Variants in KCNMA1 observed in about 807,000 individuals in gnomAD.
KCNMA1 encodes the protein potassium calcium-activated channel subfamily M alpha 1, also known as Calcium-activated potassium channel subunit alpha-1.
A neutral mutation model predicts 140.0 loss-of-function variants in KCNMA1; 29 were observed. That is an observed-to-expected ratio of 0.21 (90% confidence interval 0.15 to 0.28). The LOEUF (loss-of-function observed/expected upper bound fraction) is 0.28, where lower values mean the gene tolerates loss of function less well. Among genes scored for constraint, KCNMA1 ranks in the 10% least tolerant of loss-of-function variants. The probability of loss-of-function intolerance (pLI) is 1.00; values close to 1 mark genes in which losing one functional copy is unlikely to be tolerated. For missense variants in KCNMA1, 880 were observed against 1,602.2 expected (o/e 0.55, Z 7.70); for synonymous variants, 612 against 611.9 (o/e 1.00, Z 0.00).
chr10:77,081,237 A>T (rs2096557947), intron 12 of KCNMA1, among the ~76,000 whole-genome samples: 1 of 152,172 alleles, frequency 6.6e-6, no homozygotes, highest in East Asian at 1.9e-4. Flanking sequence ...CTGTTTCCTC[A>T]TCTGGACACT....
chr10:76,971,983 G>T (rs559051502), intron 19 of KCNMA1, among the ~76,000 whole-genome samples: 92 of 151,984 alleles, frequency 6.1e-4, no homozygotes, highest in Non-Finnish European at 1.1e-3. Context: ...GGGTGTGTGT[G>T]TGTGTGTGTG....
At chr10:76,875,584 C>T (rs1341663003), downstream of KCNMA1, 1 of 152,150 alleles carries the variant, frequency 6.6e-6, no homozygotes, top group African/African-American at 2.4e-5. Context: ...AATGGAAGAT[C>T]CTTTATGTGG....
chr10:77,002,454 T>C (rs1215391056), intron 18 of KCNMA1, among the ~76,000 whole-genome samples: 1 of 152,252 alleles, frequency 6.6e-6, no homozygotes, highest in Admixed American at 6.5e-5. Context: ...AATCAGGCTA[T>C]TGGTTAATCA....
intron 3 of KCNMA1, among the ~76,000 whole-genome samples, chr10:77,204,218 T>C (rs1011470804): frequency 6.6e-6 from 1 of 152,216 alleles, no homozygotes. Flanking sequence ...TTGTGTGCTC[T>C]TCCCGTGTTT....
At chr10:76,920,383 T>C (rs1255083501) in intron 23 of KCNMA1, among the ~76,000 whole-genome samples, 1 of 152,076 alleles carries the variant, frequency 6.6e-6, no homozygotes. Context: ...CCTATGTATA[T>C]ACTACTATTT....
intron 2 of KCNMA1, among the ~76,000 whole-genome samples, chr10:77,259,496 GA>G (rs911126826): frequency 1.2e-4 from 18 of 149,668 alleles, no homozygotes; most frequent in Non-Finnish European, 1.6e-4. Context: ...TTGGTATGAA[GA>G]AAAAAAAAAT....
At chr10:77,330,903 C>A (rs986858727) in intron 2 of KCNMA1, among the ~76,000 whole-genome samples, 8 of 152,142 alleles carry the variant, frequency 5.3e-5, no homozygotes, top group Non-Finnish European at 1.2e-4. Flanking sequence ...GATGCTGGGG[C>A]ATGCAATAAT....
At chr10:77,606,347 T>C (rs1031022414) in intron 1 of KCNMA1, among the ~76,000 whole-genome samples, 1 of 152,146 alleles carries the variant, frequency 6.6e-6, no homozygotes, top group African/African-American at 2.4e-5. Context: ...AAAAGGCATC[T>C]TTGGCCAGGC....
In KCNMA1 at chr10:77,464,654, C is replaced by A. The variant is rs145699474; in HGVS notation, c.379-60631G>T. 6.7e-4 allele frequency among the ~76,000 whole-genome samples: 102 copies of A among 152,186 alleles called. 2 individuals carry two copies. The East Asian group carries it at 0.018, about 27-fold the overall frequency. ...AGAGGTTAAGTGAGTGGGTCAGAGT[C>A]ACACAGCCAGTGAGAAACAGGGCCA... On this transcript the variant is annotated intron_variant, in intron 1 of 27. Coordinates refer to ENST00000286628, the MANE Select transcript of KCNMA1 (RefSeq NM_001161352.2).
At chr10:77,017,559 C>T (rs1039236826) in intron 17 of KCNMA1, among the ~76,000 whole-genome samples, 4 of 152,164 alleles carry the variant, frequency 2.6e-5, no homozygotes, top group Non-Finnish European at 4.4e-5. Context: ...GTTATTAGAG[C>T]ACTCAGTTTA....
intron 4 of KCNMA1, among the ~76,000 whole-genome samples, chr10:77,184,091 A>C (rs997471895): frequency 1.7e-4 from 21 of 124,662 alleles, no homozygotes; most frequent in African/African-American, 5.2e-4. Context: ...CACACACACA[A>C]AATTCCATCC....
chr10:77,522,918 A>C (rs2053985178), intron 1 of KCNMA1, among the ~76,000 whole-genome samples: 1 of 152,224 alleles, frequency 6.6e-6, no homozygotes, highest in East Asian at 1.9e-4. Context: ...AAGCATAACA[A>C]GTCTCCTTTC....
At chr10:77,617,176 A>G (rs1489057375) in intron 1 of KCNMA1, among the ~76,000 whole-genome samples, 1 of 152,226 alleles carries the variant, frequency 6.6e-6, no homozygotes, top group Non-Finnish European at 1.5e-5. Flanking sequence ...GGACATGGGT[A>G]GAAGGGGCTA....
chr10:77,554,597 C>CAAAAAAAA (rs59754706), intron 1 of KCNMA1, among the ~76,000 whole-genome samples: 34 of 83,902 alleles, frequency 4.1e-4, no homozygotes, highest in Non-Finnish European at 5.9e-4. Context: ...TACTCCATCT[C>CAAAAAAAA]AAAAAAAAAA....
chr10:76,954,792 T>C (rs2067571281), intron 20 of KCNMA1, among the ~76,000 whole-genome samples: 1 of 152,160 alleles, frequency 6.6e-6, no homozygotes, highest in Non-Finnish European at 1.5e-5. Flanking sequence ...TGTCTATTGG[T>C]GGAAAAGGAA....
At chr10:77,582,154 G>A (rs1158875513) in intron 1 of KCNMA1, among the ~76,000 whole-genome samples, 1 of 152,296 alleles carries the variant, frequency 6.6e-6, no homozygotes, top group Admixed American at 6.5e-5. Context: ...ATCTGTCCCC[G>A]AAGGTCAACG....
intron 2 of KCNMA1, among the ~76,000 whole-genome samples, chr10:77,387,976 G>C (rs1350676277): frequency 6.6e-6 from 1 of 152,030 alleles, no homozygotes; most frequent in African/African-American, 2.4e-5. Context: ...TTAAATCTTT[G>C]GCCAAATATT....
intron 29 of KCNMA1, among the ~76,000 whole-genome samples, chr10:76,878,599 G>T (rs1337488253): frequency 6.6e-6 from 1 of 152,192 alleles, no homozygotes; most frequent in Non-Finnish European, 1.5e-5. Flanking sequence ...TATGAATAGA[G>T]TTCCAAGTGG....
At chr10:77,359,406 G>A (rs959427238) in intron 2 of KCNMA1, among the ~76,000 whole-genome samples, 1 of 152,158 alleles carries the variant, frequency 6.6e-6, no homozygotes, top group Admixed American at 6.5e-5. Flanking sequence ...GATGACAGAT[G>A]TCTCTCTGCT....
Sources: gnomAD v4.1 joint callset for allele counts (sites outside exome capture counted in the v4.1 genomes callset) on GRCh38, gnomAD v4.1.1 for gene constraint, MANE v1.5 for transcripts, NCBI Gene and HGNC (gene_info 2026-07-23, HGNC 2026-07-21) for gene names.